NANOS3: variants seen among roughly 807,000 people sequenced by gnomAD.
NANOS3 encodes the protein nanos C2HC-type zinc finger 3.
In NANOS3, 11 loss-of-function variants were observed where a neutral mutation model predicts 13.8. The observed-to-expected ratio is 0.80, with a 90% CI of 0.50 to 1.32. The LOEUF (loss-of-function observed/expected upper bound fraction) is 1.32, where lower values mean the gene tolerates loss of function less well. Ranked by LOEUF, NANOS3 falls within the 40% of genes most tolerant of loss-of-function variation. The probability of loss-of-function intolerance (pLI) is 0.00; values close to 1 mark genes in which losing one functional copy is unlikely to be tolerated. For synonymous variants in NANOS3, 119 were observed against 115.4 expected, an observed-to-expected ratio of 1.03 and a Z score of -0.20; for missense variants, 221 against 263.8, an observed-to-expected ratio of 0.84 and a Z score of 1.12.
intron 1 of NANOS3, 138 bp downstream of exon 1, chr19:13,877,903 A>T: frequency 1.4e-6 from 2 of 1,402,376 alleles, no homozygotes; most frequent in African/African-American, 1.4e-5. Context: ...AGTTGATTTT[A>T]TTTACGTATT....
At chr19:13,871,192 G>A (rs10419474) in intron 1 of NANOS3, among the ~76,000 whole-genome samples, 6,171 of 152,110 alleles carry the variant, frequency 0.041, 422 homozygotes, top group African/African-American at 0.14. Context: ...CAGGTATCAC[G>A]GTCACCAGTC....
chr19:13,873,511 C>T (rs1005997039), upstream of NANOS3, among the ~76,000 whole-genome samples: 7 of 152,046 alleles, frequency 4.6e-5, no homozygotes, highest in African/African-American at 1.7e-4. Context: ...TCCTGTGACC[C>T]AGGCTGGAAT....
At chr19:13,879,471 T>G (rs537577982) in intron 1 of NANOS3, among the ~76,000 whole-genome samples, 1 of 152,248 alleles carries the variant, frequency 6.6e-6, no homozygotes, top group South Asian at 2.1e-4. Flanking sequence ...TGTGATGGCT[T>G]ACACCTGTAA....
In NANOS3 at chr19:13,870,028, A is replaced by G. The variant is rs896836953; in HGVS notation, n.21+4591A>G. Among the ~76,000 whole-genome samples, 3 of 151,086 alleles carry G rather than the reference A, an allele frequency of 2.0e-5. No individual in the cohort carries two copies. The East Asian group carries it at 5.8e-4, about 29-fold the overall frequency. ...TGGGAGCTTGGAGACCTGGCCTTCT[A>G]GCCATGCCCACCTTGTTCTTCAACT... On this transcript the variant is annotated intron_variant and non_coding_transcript_variant, in intron 1 of 2. Transcript: ENST00000591161.
intron 1 of NANOS3, among the ~76,000 whole-genome samples, chr19:13,878,011 C>A (rs984833712): frequency 3.3e-5 from 5 of 151,788 alleles, no homozygotes; most frequent in Admixed American, 3.3e-4. Flanking sequence ...TGGATTCAAG[C>A]GATTCTCCTG....
upstream of NANOS3, among the ~76,000 whole-genome samples, chr19:13,865,182 G>A (rs1976213133): frequency 6.6e-6 from 1 of 150,790 alleles, no homozygotes; most frequent in Non-Finnish European, 1.5e-5. Context: ...CGGGGAGGAG[G>A]GAGGGGGCGG....
upstream of NANOS3, among the ~76,000 whole-genome samples, chr19:13,873,491 C>T (rs1968437803): frequency 6.6e-6 from 1 of 151,988 alleles, no homozygotes; most frequent in African/African-American, 2.4e-5. Flanking sequence ...TTTGCGACGA[C>T]GGGGTCTCGT....
chr19:13,865,015 G>A (rs765004501), upstream of NANOS3, among the ~76,000 whole-genome samples: 7 of 152,030 alleles, frequency 4.6e-5, no homozygotes, highest in Admixed American at 2.0e-4. Flanking sequence ...GTCCCTGCGT[G>A]TGCCCGCCCG....
chr19:13,869,216 G>A (rs971934132), intron 1 of NANOS3, among the ~76,000 whole-genome samples: 9 of 152,022 alleles, frequency 5.9e-5, no homozygotes, highest in African/African-American at 1.7e-4. Context: ...GTCTCACTGC[G>A]TTGCCCAGGC....
upstream of NANOS3, among the ~76,000 whole-genome samples, chr19:13,862,569 C>T (rs1976174616): frequency 1.3e-5 from 2 of 151,796 alleles, no homozygotes; most frequent in South Asian, 2.1e-4. Context: ...GACGGAGTCT[C>T]GCTCTGTGGC....
At chr19:13,863,162 C>T (rs886859051), upstream of NANOS3, among the ~76,000 whole-genome samples, 7 of 152,130 alleles carry the variant, frequency 4.6e-5, no homozygotes, top group South Asian at 1.4e-3. Flanking sequence ...AAGCAAGTCC[C>T]TCCCCAACCC....
rs1468091292 is a variant in NANOS3, at chr19:13,878,782, T to G, written c.517+1017T>G. ...GGCGTGCACCACCATTCCTGGTGTG[T>G]TTTTTTTTTCCTCCCATAGAAACAG... is the stretch of plus-strand genomic sequence containing the variant. On this transcript the variant is annotated intron_variant, in intron 1 of 1. Coordinates refer to ENST00000339133, the MANE Select transcript of NANOS3 (RefSeq NM_001098622.3). Among the ~76,000 whole-genome samples, 9 of 146,586 alleles carry G rather than the reference T, an allele frequency of 6.1e-5. No homozygotes were observed. In the East Asian group the frequency reaches 1.8e-3, roughly 29 times the overall value.
chr19:13,877,170 G>C lies in NANOS3; in HGVS notation c.-79G>C. The C allele has an allele frequency of 8.3e-7, 1 of 1,212,058 alleles. No individual in the cohort carries two copies. Among genetic ancestry groups the C allele is most frequent in the Non-Finnish European group, 1.2e-6 (1 of 850,726 alleles). 75.1% of individuals were successfully genotyped at this position (1,212,058 alleles called of 1,614,324 possible). Reference sequence around the variant, plus strand: ...AGGGGAAGGAAGGGGCAGCAGAGAGGGGTCAGAAGGAGGGAGCTTAAGCCA... The same window carrying C: ...AGGGGAAGGAAGGGGCAGCAGAGAGCGGTCAGAAGGAGGGAGCTTAAGCCA... On this transcript the variant is annotated 5_prime_UTR_variant, in exon 1 of 2. Transcript: ENST00000339133.
upstream of NANOS3, chr19:13,865,374 G>C (rs1976218562): frequency 6.9e-6 from 1 of 144,360 alleles, no homozygotes; most frequent in Admixed American, 6.9e-5. Context: ...CCTCGGGCCC[G>C]GGGGGCTTTT....
At chr19:13,868,110 G>A (rs1378852447) in intron 1 of NANOS3, among the ~76,000 whole-genome samples, 1 of 151,488 alleles carries the variant, frequency 6.6e-6, no homozygotes, top group African/African-American at 2.4e-5. Flanking sequence ...CCAGGCTGGA[G>A]TGCAGTGACA....
At chr19:13,875,593 A>T (rs191409497), upstream of NANOS3, among the ~76,000 whole-genome samples, 12 of 152,026 alleles carry the variant, frequency 7.9e-5, no homozygotes, top group East Asian at 2.3e-3. Flanking sequence ...CCCAGGCTGG[A>T]GTGCAATGGT....
intron 1 of NANOS3, among the ~76,000 whole-genome samples, chr19:13,879,236 G>T (rs1456287936): frequency 6.6e-6 from 1 of 151,386 alleles, no homozygotes; most frequent in Non-Finnish European, 1.5e-5. Context: ...ACCATGCCTG[G>T]CCCCCAGTGA....
At chr19:13,869,801 T>C (rs914846108) in intron 1 of NANOS3, among the ~76,000 whole-genome samples, 2 of 146,490 alleles carry the variant, frequency 1.4e-5, no homozygotes, top group African/African-American at 2.5e-5. Context: ...CGCACACACA[T>C]ACAGTTACAT....
In NANOS3 at chr19:13,880,533, C is replaced by T. The variant is rs373238193; in HGVS notation, c.*30C>T. ...CTGCCTACACCTGGGCAAGGGCACCCGGGCTCGGCTGGATTTCCAGGAAGA... is the reference window on the plus strand; with the variant it reads ...CTGCCTACACCTGGGCAAGGGCACCTGGGCTCGGCTGGATTTCCAGGAAGA... On this transcript the variant is annotated 3_prime_UTR_variant, in exon 2 of 2. Transcript: ENST00000339133. The T allele has an allele frequency of 1.2e-5, 20 of 1,606,160 alleles. No individual in the cohort carries two copies. The highest frequency in any genetic ancestry group is 2.2e-5 in the East Asian group (1 of 44,754).
Sources: allele counts gnomAD v4.1 joint callset (sites outside exome capture counted in the v4.1 genomes callset), GRCh38; gene constraint gnomAD v4.1.1; transcripts MANE v1.5; gene names NCBI Gene and HGNC (gene_info 2026-07-23, HGNC 2026-07-21).